The following DPP6 variants were observed in gnomAD, a reference collection of about 807,000 sequenced individuals.
DPP6 encodes the protein A-type potassium channel modulatory protein DPP6.
A neutral mutation model predicts 122.6 loss-of-function variants in DPP6; 69 were observed. The observed-to-expected ratio is 0.56, with a 90% CI of 0.46 to 0.69. The LOEUF is 0.69. DPP6 is among the 30% of genes least tolerant of loss of function. The probability of loss-of-function intolerance (pLI) is 0.00; values close to 1 mark genes in which losing one functional copy is unlikely to be tolerated. For synonymous variants in DPP6, 418 were observed against 433.1 expected (o/e 0.97, Z 0.43); for missense variants, 928 against 1,116.9 (o/e 0.83, Z 2.41).
the DPP6 span, among the ~76,000 whole-genome samples, chr7:153,814,105 T>G: frequency 6.6e-6 from 1 of 152,188 alleles, no homozygotes; most frequent in African/African-American, 2.4e-5. Context: ...CCCATGCCTA[T>G]GTCCTGAATG....
chr7:154,689,821 G>C (rs1839837031), intron 7 of DPP6, among the ~76,000 whole-genome samples: 1 of 152,208 alleles, frequency 6.6e-6, no homozygotes, highest in Non-Finnish European at 1.5e-5. Flanking sequence ...GCTGGAATAT[G>C]ATGACAATGC....
At chr7:154,330,180 C>T (rs555502795) in intron 1 of DPP6, among the ~76,000 whole-genome samples, 1 of 152,146 alleles carries the variant, frequency 6.6e-6, no homozygotes, top group Non-Finnish European at 1.5e-5. Context: ...CACATGTATC[C>T]CAGAACTTAA....
intron 16 of DPP6, among the ~76,000 whole-genome samples, chr7:154,813,529 TC>T (rs924143309): frequency 2.6e-5 from 4 of 152,278 alleles, no homozygotes; most frequent in African/African-American, 9.6e-5. Context: ...CCTCACTGGA[TC>T]CCATCTCTGA....
At chr7:154,768,983 C>A (rs1366649218) in intron 8 of DPP6, among the ~76,000 whole-genome samples, 1 of 152,286 alleles carries the variant, frequency 6.6e-6, no homozygotes, top group African/African-American at 2.4e-5. Flanking sequence ...AGTTCACTTT[C>A]TCATTTGGTT....
intron 1 of DPP6, among the ~76,000 whole-genome samples, chr7:154,108,009 ATAAT>A (rs1402877817): frequency 1.3e-5 from 2 of 152,238 alleles, no homozygotes; most frequent in African/African-American, 4.8e-5. Flanking sequence ...TAACAAATAA[ATAAT>A]TCATGGGGAC....
chr7:153,771,171 A>G, the DPP6 span, among the ~76,000 whole-genome samples: 2 of 152,328 alleles, frequency 1.3e-5, no homozygotes, highest in East Asian at 3.9e-4. Flanking sequence ...GCATTTGTGT[A>G]CACAGACACA....
chr7:154,887,100 G>A (rs1415770338), intron 22 of DPP6, among the ~76,000 whole-genome samples: 3 of 152,116 alleles, frequency 2.0e-5, no homozygotes, highest in Admixed American at 6.5e-5. Context: ...GTCTTGATGG[G>A]TCACTGTGCC....
intron 5 of DPP6, among the ~76,000 whole-genome samples, chr7:154,576,512 T>C (rs1831683320): frequency 6.6e-6 from 1 of 152,128 alleles, no homozygotes; most frequent in South Asian, 2.1e-4. Flanking sequence ...GTAGGTAGCT[T>C]TGTTTCTAGG....
chr7:154,229,116 A>G lies in DPP6; in HGVS notation c.243+176053A>G, dbSNP rs79114221. Among the ~76,000 whole-genome samples the G allele has an allele frequency of 8.7e-3, 1,317 of 152,198 alleles. 10 individuals are homozygous for G. The highest frequency in any genetic ancestry group is 0.013 in the Non-Finnish European group (918 of 68,014). On this transcript the variant is annotated intron_variant, in intron 1 of 25. Coordinates refer to ENST00000377770, the MANE Select transcript of DPP6 (RefSeq NM_130797.4). ...AAAGCTTTGGCTCTCTCATAATAAC[A>G]CATTATAGTTATTTGGCCCTCCAGA... is the stretch of plus-strand genomic sequence containing the variant.
chr7:154,710,410 C>T (rs145492047), intron 7 of DPP6, among the ~76,000 whole-genome samples: 3 of 152,350 alleles, frequency 2.0e-5, no homozygotes, highest in East Asian at 1.9e-4. Flanking sequence ...TGGTCAAATT[C>T]GCTGCAAAGA....
At chr7:153,974,715 C>G (rs1796205950) in intron 1 of DPP6, among the ~76,000 whole-genome samples, 1 of 152,222 alleles carries the variant, frequency 6.6e-6, no homozygotes, top group South Asian at 2.1e-4. Flanking sequence ...TGTTTCACAT[C>G]TAGTCTCATT....
intron 1 of DPP6, among the ~76,000 whole-genome samples, chr7:154,206,178 C>G (rs536807150): frequency 6.6e-6 from 1 of 152,352 alleles, no homozygotes; most frequent in Middle Eastern, 3.4e-3. Flanking sequence ...TGGCCCTTCC[C>G]TCTCTTCTCT....
At chr7:154,498,811 CA>C (rs1265456585) in intron 3 of DPP6, among the ~76,000 whole-genome samples, 1 of 152,218 alleles carries the variant, frequency 6.6e-6, no homozygotes, top group Non-Finnish European at 1.5e-5. Context: ...CACTCAATGC[CA>C]GCAGCACCCA....
chr7:154,087,163 G>A lies in DPP6; in HGVS notation c.243+34100G>A, dbSNP rs1232930852. ...CATTGTTCATGCAAAGGAACAGCCC[G>A]AATGAGGCTGTGGGACAGGAGGGAG... On this transcript the variant is annotated intron_variant, in intron 1 of 25. Coordinates refer to ENST00000377770, the MANE Select transcript of DPP6 (RefSeq NM_130797.4). Among the ~76,000 whole-genome samples the A allele has an allele frequency of 3.3e-5, 5 of 151,776 alleles. No individual in the cohort carries two copies. The South Asian group carries it at 6.3e-4, about 19-fold the overall frequency.
At chr7:154,265,704 A>G (rs1803375733) in intron 1 of DPP6, among the ~76,000 whole-genome samples, 1 of 152,222 alleles carries the variant, frequency 6.6e-6, no homozygotes, top group African/African-American at 2.4e-5. Context: ...TTGGGTCAGT[A>G]GAGGGAGATG....
chr7:154,645,649 C>A (rs181623093), intron 6 of DPP6, among the ~76,000 whole-genome samples: 1 of 152,214 alleles, frequency 6.6e-6, no homozygotes, highest in African/African-American at 2.4e-5. Context: ...ATATTAGTTG[C>A]CTAATGCATG....
chr7:154,893,474 A>ACAG lies in DPP6; in HGVS notation c.*994_*995insCAG, dbSNP rs1806808977. The ACAG allele has an allele frequency of 8.2e-6, 1 of 122,336 alleles. No individual in the cohort carries two copies. Among genetic ancestry groups the ACAG allele is most frequent in the African/African-American group, 2.6e-5 (1 of 38,138 alleles). The allele number at this position is 122,336 out of a possible 1,614,324, so 7.6% of individuals were successfully genotyped here. A position where few individuals can be genotyped will look rare whatever the true frequency, so the allele number is the denominator to read the frequency against. On this transcript the variant is annotated 3_prime_UTR_variant, in exon 26 of 26. Coordinates refer to ENST00000377770, the MANE Select transcript of DPP6 (RefSeq NM_130797.4). ...GTTTAAAAAAAAAAAAAAAAAAAAA[A>ACAG]AAAAAACAGAAAAAAGACAAAGCGT...
chr7:154,248,713 A>G (rs1056731901), intron 1 of DPP6, among the ~76,000 whole-genome samples: 4 of 152,074 alleles, frequency 2.6e-5, no homozygotes, highest in African/African-American at 9.7e-5. Flanking sequence ...TAAAAATACA[A>G]AAGCTAGCCG....
chr7:154,175,660 C>G (rs1476585545), intron 1 of DPP6, among the ~76,000 whole-genome samples: 1 of 151,896 alleles, frequency 6.6e-6, no homozygotes, highest in Non-Finnish European at 1.5e-5. Flanking sequence ...ACTCCTACAC[C>G]TACCATTCAC....
Sources: allele counts gnomAD v4.1 joint callset (sites outside exome capture counted in the v4.1 genomes callset), GRCh38; gene constraint gnomAD v4.1.1; transcripts MANE v1.5; gene names NCBI Gene and HGNC (gene_info 2026-07-23, HGNC 2026-07-21).